SYCP2L: variants seen among roughly 807,000 people sequenced by gnomAD.
SYCP2L encodes synaptonemal complex protein 2-like.
Under a neutral mutation model 125.8 loss-of-function variants are expected in SYCP2L, and 98 were observed. The observed-to-expected ratio is 0.78, with a 90% CI of 0.66 to 0.92. SYCP2L has a LOEUF of 0.92. Ranked by LOEUF, SYCP2L falls within the 40% of genes least tolerant of loss-of-function variation. The pLI is 0.00. For synonymous variants in SYCP2L, 317 were observed against 325.4 expected, an observed-to-expected ratio of 0.97 and a Z score of 0.28; for missense variants, 842 against 936.4, an observed-to-expected ratio of 0.90 and a Z score of 1.32.
intron 23 of SYCP2L, among the ~76,000 whole-genome samples, chr6:10,952,747 T>G (rs1363200847): frequency 6.6e-6 from 1 of 152,148 alleles, no homozygotes; most frequent in Non-Finnish European, 1.5e-5. Flanking sequence ...GCATGAATGT[T>G]GTTTGCCTTG....
At chr6:10,967,273 AG>A (rs1246752336) in intron 29 of SYCP2L, among the ~76,000 whole-genome samples, 1 of 152,142 alleles carries the variant, frequency 6.6e-6, no homozygotes, top group Non-Finnish European at 1.5e-5. Flanking sequence ...CCAAGGAAAA[AG>A]GGAAAAAAAG....
chr6:10,958,727 C>G (rs993786828), intron 25 of SYCP2L, 57 bp from the exon 26 acceptor site: 37 of 1,498,094 alleles, frequency 2.5e-5, no homozygotes, highest in Middle Eastern at 1.7e-4. Flanking sequence ...AAAGCATGCA[C>G]TCAACTTATG....
At chr6:10,936,894 G>A (rs2113369022) in intron 21 of SYCP2L, among the ~76,000 whole-genome samples, 1 of 152,288 alleles carries the variant, frequency 6.6e-6, no homozygotes, top group East Asian at 1.9e-4. Context: ...ACAGGAAATA[G>A]CAATTGTAAA....
At chr6:10,891,645 GTGTGTGTGTGTGTGTGTGTATGTGTA>G in intron 2 of SYCP2L, 64 bp downstream of exon 2, 20 of 863,734 alleles carry the variant, frequency 2.3e-5, no homozygotes, top group Non-Finnish European at 3.5e-5. Flanking sequence ...GTGTGTGTGT[GTGTGTGTGTGTGTGTGTGTATGTGTA>G]TATGAGTGTA....
chr6:10,923,605 C>T (rs1052231859), intron 14 of SYCP2L, among the ~76,000 whole-genome samples: 4 of 151,318 alleles, frequency 2.6e-5, no homozygotes, highest in African/African-American at 7.3e-5. Context: ...AGGCTGGTTT[C>T]AAACTCCTGA....
rs1346241462 is a variant in SYCP2L, at chr6:10,910,872, A to G, written c.918+3A>G. The stretch of plus-strand genomic sequence containing the variant: ...CTGCTTTTGCTGATGAGCATGAGGT[A>G]TGTTCATCCCTCTTGGAGGTCCTGA... On this transcript the variant is annotated splice_donor_region_variant and intron_variant, in intron 12 of 29. Coordinates refer to ENST00000283141, the MANE Select transcript of SYCP2L (RefSeq NM_001040274.3). 1.2e-6 allele frequency: 2 copies of G among 1,613,816 alleles called. No homozygotes were observed. The highest frequency in any genetic ancestry group is 2.2e-5 in the East Asian group (1 of 44,894).
intron 14 of SYCP2L, among the ~76,000 whole-genome samples, chr6:10,913,496 C>T (rs571371016): frequency 2.0e-5 from 3 of 152,116 alleles, no homozygotes; most frequent in South Asian, 4.2e-4. Flanking sequence ...AGCATTTTTT[C>T]GTGTTTTCTG....
chr6:10,935,296 A>G (rs1398269418), intron 21 of SYCP2L, 109 bp downstream of exon 21: 2 of 1,152,564 alleles, frequency 1.7e-6, no homozygotes, highest in African/African-American at 1.6e-5. Context: ...AAATATGAAG[A>G]TAACATTGTT....
chr6:10,942,494 TCC>T lies in SYCP2L; in HGVS notation c.1850_1851del (p.Ser617PhefsTer7). ...QDPHSLSELSSLKHSEDEEKP... is the reference protein window; with the variant it reads ...QDPHSLSELSXLKHSEDEEKP... ...TCCTCACTCACTGAGTGAGCTCTCT[TCC>T]TTGAAGCACTCAGAAGATGAAGAAA... On this transcript the variant is annotated frameshift_variant, in exon 22 of 30. Transcript: ENST00000283141. LOFTEE classifies it high-confidence loss of function. The T allele has an allele frequency of 6.2e-7, 1 of 1,602,468 alleles. No individual in the cohort carries two copies. Among genetic ancestry groups the T allele is most frequent in the Non-Finnish European group, 8.5e-7 (1 of 1,176,588 alleles).
chr6:10,907,556 G>A lies in SYCP2L; in HGVS notation c.691G>A (p.Val231Ile). 6.2e-7 allele frequency: 1 copy of A among 1,611,850 alleles called. No individual in the cohort carries two copies. The highest frequency in any genetic ancestry group is 8.5e-7 in the Non-Finnish European group (1 of 1,179,074). Reference sequence around the variant, plus strand: ...TTAATCTCTAGATTATGACCAGCAGGTTGCTATTTCTGAAGCGCTGTGTAG... The same window carrying A: ...TTAATCTCTAGATTATGACCAGCAGATTGCTATTTCTGAAGCGCTGTGTAG... ...LLTVGDYDQQ[V>I]AISEALCRLT... is the part of the protein sequence containing the mutation. The change falls in exon 10 of 30, where the codon GTT (valine) becomes ATT (isoleucine). Residue 231 changes from valine (V) to isoleucine (I), a missense_variant. By Grantham distance (29) the Val-to-Ile change is conservative. Transcript: ENST00000283141.
At chr6:10,972,661 T>A (rs1322659854) in intron 29 of SYCP2L, among the ~76,000 whole-genome samples, 2 of 152,176 alleles carry the variant, frequency 1.3e-5, no homozygotes, top group Non-Finnish European at 2.9e-5. Context: ...AGGTAAAAGA[T>A]GTATGCCAAC....
At chr6:10,901,167 T>A (rs1228016058) in intron 6 of SYCP2L, among the ~76,000 whole-genome samples, 1 of 152,348 alleles carries the variant, frequency 6.6e-6, no homozygotes, top group Middle Eastern at 3.4e-3. Context: ...TGTCCTACTT[T>A]TATTTTACCG....
chr6:10,968,727 GAGGAGA>G (rs1427653794), intron 29 of SYCP2L, among the ~76,000 whole-genome samples: 6 of 152,198 alleles, frequency 3.9e-5, no homozygotes, highest in Non-Finnish European at 8.8e-5. Flanking sequence ...TGGGGTCCAG[GAGGAGA>G]TGTACGCACA....
Position 10,912,733 on chromosome 6 carries a change from C to CA in SYCP2L, c.980dup (p.Ser328GlufsTer10). On this transcript the variant is annotated frameshift_variant, in exon 13 of 30. Coordinates refer to ENST00000283141, the MANE Select transcript of SYCP2L (RefSeq NM_001040274.3). LOFTEE classifies it high-confidence loss of function. This position sits in a 1 kb window ranked among gnomAD's most constrained non-coding sequence, Gnocchi z 4.1. ...TTGGATCGACTTCAACCTAGGAAGT[C>CA]AGAGTGTCACTTTTTATATAGACAA... The CA allele has an allele frequency of 1.2e-6, 2 of 1,613,790 alleles. No individual in the cohort carries two copies. Among genetic ancestry groups the CA allele is most frequent in the Non-Finnish European group, 1.7e-6 (2 of 1,179,926 alleles).
chr6:10,918,197 CAA>C (rs540012555), intron 14 of SYCP2L, among the ~76,000 whole-genome samples: 19 of 77,916 alleles, frequency 2.4e-4, no homozygotes, highest in Non-Finnish European at 2.4e-4. Flanking sequence ...GACTCCATCT[CAA>C]AAAAAAAAAA....
chr6:10,921,896 CG>C (rs1581827161), intron 14 of SYCP2L, among the ~76,000 whole-genome samples: 2 of 151,896 alleles, frequency 1.3e-5, no homozygotes, highest in Non-Finnish European at 2.9e-5. Flanking sequence ...TTAGTAAAGA[CG>C]GGGTTTCACC....
chr6:10,950,205 T>G (rs1781385113), intron 23 of SYCP2L, among the ~76,000 whole-genome samples: 2 of 130,374 alleles, frequency 1.5e-5, no homozygotes, highest in South Asian at 4.6e-4. Context: ...TGCAACATGG[T>G]CAGAGAAACA....
At chr6:10,919,914 C>T (rs1217381176) in intron 14 of SYCP2L, among the ~76,000 whole-genome samples, 1 of 152,194 alleles carries the variant, frequency 6.6e-6, no homozygotes, top group Non-Finnish European at 1.5e-5. Flanking sequence ...GCCGGTCTCA[C>T]TCCCACGGTA....
At chr6:10,967,018 T>C (rs1781693091) in intron 29 of SYCP2L, among the ~76,000 whole-genome samples, 1 of 151,864 alleles carries the variant, frequency 6.6e-6, no homozygotes, top group Admixed American at 6.6e-5. Context: ...AAATAACCAA[T>C]TCATAGAGGT....
Sources: gnomAD v4.1 joint callset for allele counts (sites outside exome capture counted in the v4.1 genomes callset) on GRCh38, gnomAD v4.1.1 for gene constraint, Gnocchi (gnomAD v3.1) non-coding constraint, MANE v1.5 for transcripts, NCBI Gene and HGNC (gene_info 2026-07-23, HGNC 2026-07-21) for gene names.